Variants in SPTB observed in about 807,000 individuals in gnomAD.
The protein encoded by SPTB is spectrin beta chain, erythrocytic.
In SPTB, 45 loss-of-function variants were observed where a neutral mutation model predicts 256.2. The observed-to-expected ratio is 0.18, with a 90% CI of 0.14 to 0.23. The LOEUF is 0.23. Among genes scored for constraint, SPTB ranks in the 10% least tolerant of loss-of-function variants. The pLI, the probability that SPTB is intolerant of heterozygous loss-of-function variation, is 1.00. For missense variants in SPTB, 2,715 were observed against 3,040.4 expected, an observed-to-expected ratio of 0.89 and a Z score of 2.52; for synonymous variants, 1,231 against 1,243.1, an observed-to-expected ratio of 0.99 and a Z score of 0.21.
At chr14:64,752,272 C>A (rs750941853) in intron 33 of SPTB, 1 of 1,341,980 alleles carries the variant, frequency 7.5e-7, no homozygotes, top group South Asian at 1.2e-5. Context: ...TCCTCTTCAT[C>A]CTCCTCTTCT....
rs1345709572 is a variant in SPTB, at chr14:64,767,763, G to C, written c.6119C>G (p.Thr2040Arg). ...PYLASGDFGH[T>R]VDSVEKLIKR... is the part of the protein sequence containing the mutation. ...GATGAGCTTCTCCACACTGTCCACT[G>C]TGTGTCCAAAGTCCCCGCTGGCCAG... Residue 2040 changes from threonine to arginine, a missense_variant, in exon 30 of 36, where the codon ACA becomes AGA. Transcript: ENST00000644917. 3.1e-6 allele frequency: 5 copies of C among 1,614,180 alleles called. No homozygotes were observed. Among genetic ancestry groups the C allele is most frequent in the Admixed American group, 1.7e-5 (1 of 60,028 alleles).
intron 1 of SPTB, among the ~76,000 whole-genome samples, chr14:64,878,305 T>C (rs1027438248): frequency 1.1e-4 from 16 of 152,176 alleles, no homozygotes; most frequent in African/African-American, 3.9e-4. Flanking sequence ...ACATTCCCTT[T>C]CCTGGCTAGC....
chr14:64,823,319 T>TGCA lies in SPTB; in HGVS notation c.-51-177_-51-175dup, dbSNP rs534724456. ...CTCTGGGTCGTTTGTTATAAAATAT[T>TGCA]GCAGCAGCAGCAGCAGCAACAGTAC... On this transcript the variant is annotated intron_variant, in intron 1 of 35. Transcript: ENST00000644917. The surrounding 1 kb of genome is among the most constrained non-coding windows in gnomAD (Gnocchi z 6.5). 3.8e-3 allele frequency among the ~76,000 whole-genome samples: 572 copies of TGCA among 152,214 alleles called. 1 individual carries two copies. Among genetic ancestry groups the TGCA allele is most frequent in the African/African-American group, 0.012 (514 of 41,524 alleles).
At chr14:64,763,193 A>T (rs2082118822) in intron 32 of SPTB, among the ~76,000 whole-genome samples, 1 of 152,182 alleles carries the variant, frequency 6.6e-6, no homozygotes, top group African/African-American at 2.4e-5. Flanking sequence ...AGAGCCTGGG[A>T]GGTGGGGGAT....
intron 32 of SPTB, among the ~76,000 whole-genome samples, chr14:64,762,829 C>G (rs2139458707): frequency 1.3e-5 from 2 of 152,356 alleles, no homozygotes; most frequent in Middle Eastern, 6.8e-3. Flanking sequence ...AGGGTCCCGT[C>G]TGCACTACAG....
In SPTB at chr14:64,749,128, C is replaced by T. The variant is rs887002876; in HGVS notation, c.*178G>A. 7.7e-6 allele frequency: 5 copies of T among 652,242 alleles called. No homozygotes were observed. Among genetic ancestry groups the T allele is most frequent in the Middle Eastern group, 4.6e-4 (1 of 2,174 alleles). The allele number at this position is 652,242 out of a possible 1,614,324, so 40.4% of individuals were successfully genotyped here. ...AGCGCGGGCGAGGGCATGGAGGGGG[C>T]GTCGGCCCAGGACACGCGGGCGAAG... On this transcript the variant is annotated 3_prime_UTR_variant, in exon 36 of 36. Coordinates refer to ENST00000644917, the MANE Select transcript of SPTB (RefSeq NM_001355436.2). The surrounding 1 kb of genome is among the most constrained non-coding windows in gnomAD (Gnocchi z 4.7).
intron 2 of SPTB, among the ~76,000 whole-genome samples, chr14:64,821,827 G>C (rs368312033): frequency 6.6e-6 from 1 of 152,052 alleles, no homozygotes; most frequent in Non-Finnish European, 1.5e-5. Flanking sequence ...TTCCTTTCCC[G>C]GCATGAGAAG....
At chr14:64,803,480 G>T in intron 4 of SPTB, 127 bp downstream of exon 4, 2 of 1,178,630 alleles carry the variant, frequency 1.7e-6, no homozygotes, top group Non-Finnish European at 2.5e-6. Flanking sequence ...ACTGTCCCAT[G>T]TGGCAGATTT....
Position 64,797,790 on chromosome 14 carries a change from C to G in SPTB, c.1121G>C (p.Arg374Thr). 2 of 1,614,206 alleles carry G rather than the reference C, an allele frequency of 1.2e-6. No individual in the cohort carries two copies. Among genetic ancestry groups the G allele is most frequent in the Non-Finnish European group, 8.5e-7 (1 of 1,180,040 alleles). Reference sequence around the variant, plus strand: ...TGTGTACACTTTCTGATTGTTGGCTCTCATCCGGGACTGGATGGTAAAAAG... The same window carrying G: ...TGTGTACACTTTCTGATTGTTGGCTGTCATCCGGGACTGGATGGTAAAAAG... ...VLLFTIQSRMRANNQKVYTPH... is the reference protein window; with the variant it reads ...VLLFTIQSRMTANNQKVYTPH... Residue 374 changes from arginine (R) to threonine (T), a missense_variant, in exon 10 of 36, where the codon AGA (arginine) becomes ACA (threonine). By Grantham distance (71) the Arg-to-Thr change is moderately conservative (BLOSUM62 -1). Around this residue, in one of 4 missense-constraint regions of SPTB, gnomAD observed 416 missense variants for 571.1 expected, o/e 0.73. Transcript: ENST00000644917.
At chr14:64,782,852 A>G (rs1178772369) in intron 19 of SPTB, among the ~76,000 whole-genome samples, 1 of 150,078 alleles carries the variant, frequency 6.7e-6, no homozygotes, top group Admixed American at 6.6e-5. Context: ...CATAATTTTC[A>G]TGATATGCAC....
chr14:64,835,368 C>T (rs1306020986), intron 1 of SPTB, among the ~76,000 whole-genome samples: 2 of 152,202 alleles, frequency 1.3e-5, no homozygotes, highest in Admixed American at 6.5e-5. Flanking sequence ...GCCTCAGCCT[C>T]CTGAGTAGCT....
At chr14:64,798,521 C>A (rs893990376) in intron 9 of SPTB, among the ~76,000 whole-genome samples, 1 of 152,176 alleles carries the variant, frequency 6.6e-6, no homozygotes, top group Non-Finnish European at 1.5e-5. Context: ...AGTGTCCACC[C>A]ATTTCTGCAT....
Position 64,747,002 on chromosome 14 carries a change from G to A in SPTB, c.*2304C>T, listed in dbSNP as rs1317119498. 2 of 152,792 alleles carry A rather than the reference G, an allele frequency of 1.3e-5. No individual in the cohort carries two copies. Among genetic ancestry groups the A allele is most frequent in the Non-Finnish European group, 2.9e-5 (2 of 68,152 alleles). 9.5% of individuals were successfully genotyped at this position (152,792 alleles called of 1,614,324 possible). On this transcript the variant is annotated 3_prime_UTR_variant, in exon 36 of 36. Transcript: ENST00000644917. Reference sequence around the variant, plus strand: ...GCATTTTCAGTCTAGTTGGTCGAATGTCTTGGAGCCTGGGTGACAGGAGGG... The same window carrying A: ...GCATTTTCAGTCTAGTTGGTCGAATATCTTGGAGCCTGGGTGACAGGAGGG...
intron 1 of SPTB, among the ~76,000 whole-genome samples, chr14:64,837,694 C>T (rs1369813950): frequency 6.6e-6 from 1 of 152,146 alleles, no homozygotes; most frequent in African/African-American, 2.4e-5. Context: ...CTCTGCCTCC[C>T]AGGTTCAAGC....
At chr14:64,794,747 G>A (rs1351351072) in intron 12 of SPTB, 130 bp from the exon 13 acceptor site, 2 of 1,221,310 alleles carry the variant, frequency 1.6e-6, no homozygotes, top group African/African-American at 3.0e-5. Flanking sequence ...CCAGAAAAGG[G>A]CTGCTGCTGA....
At chr14:64,769,807 A>G (rs1594756057) in intron 27 of SPTB, 79 bp from the exon 28 acceptor site, 2 of 1,593,648 alleles carry the variant, frequency 1.3e-6, no homozygotes, top group South Asian at 1.1e-5. Flanking sequence ...AGAGGGGCCC[A>G]CCTCCCCCTG....
At chr14:64,849,557 A>G (rs1324287431) in intron 1 of SPTB, among the ~76,000 whole-genome samples, 2 of 152,218 alleles carry the variant, frequency 1.3e-5, no homozygotes, top group East Asian at 3.8e-4. Context: ...ATATTTGTGC[A>G]TCTCCTCTTT....
At chr14:64,751,868 G>A (rs1031908731) in intron 33 of SPTB, among the ~76,000 whole-genome samples, 4 of 148,754 alleles carry the variant, frequency 2.7e-5, no homozygotes, top group African/African-American at 5.0e-5. Flanking sequence ...CGGATCATGC[G>A]GTCAGGAGTT....
At chr14:64,776,173 T>C (rs2082353241) in intron 22 of SPTB, among the ~76,000 whole-genome samples, 1 of 152,166 alleles carries the variant, frequency 6.6e-6, no homozygotes, top group African/African-American at 2.4e-5. Flanking sequence ...TCCCTCTCTA[T>C]ATAATTTTCC....
Sources: gnomAD v4.1 joint callset for allele counts (sites outside exome capture counted in the v4.1 genomes callset) on GRCh38, gnomAD v4.1.1 for gene constraint, gnomAD v4.1.1 regional missense constraint, Gnocchi (gnomAD v3.1) non-coding constraint, MANE v1.5 for transcripts, NCBI Gene and HGNC (gene_info 2026-07-23, HGNC 2026-07-21) for gene names.